The following KAZN variants were observed in gnomAD, a reference collection of about 807,000 sequenced individuals.
KAZN encodes the protein kazrin.
KAZN carries 40 observed loss-of-function variants against 87.4 expected under a neutral mutation model. The observed-to-expected ratio is 0.46, with a 90% confidence interval of 0.36 to 0.60. The LOEUF (loss-of-function observed/expected upper bound fraction) is 0.60, where lower values mean the gene tolerates loss of function less well. Ranked by LOEUF, KAZN falls within the 20% of genes least tolerant of loss-of-function variation. KAZN has a pLI of 0.00. For synonymous variants in KAZN, 466 were observed against 458.3 expected (o/e 1.02, Z -0.22); for missense variants, 898 against 1,073.9 (o/e 0.84, Z 2.29).
At chr1:14,977,553 G>C (rs1665774383) in intron 2 of KAZN, among the ~76,000 whole-genome samples, 1 of 152,276 alleles carries the variant, frequency 6.6e-6, no homozygotes, top group Admixed American at 6.5e-5. Context: ...GTCGCGCTCT[G>C]CTGCCTCTGA....
intron 2 of KAZN, among the ~76,000 whole-genome samples, chr1:14,495,274 A>C (rs1247489640): frequency 6.6e-6 from 1 of 152,198 alleles, no homozygotes; most frequent in Non-Finnish European, 1.5e-5. Flanking sequence ...CTGGTGATTA[A>C]AAGAAAACCA....
At chr1:14,239,645 A>C (rs1055841410) in intron 2 of KAZN, among the ~76,000 whole-genome samples, 1 of 151,588 alleles carries the variant, frequency 6.6e-6, no homozygotes, top group Non-Finnish European at 1.5e-5. Flanking sequence ...TTTTTAGTAG[A>C]GACAGGGTTT....
chr1:14,595,323 A>T (rs543723769), upstream of KAZN, among the ~76,000 whole-genome samples: 1 of 152,234 alleles, frequency 6.6e-6, no homozygotes, highest in East Asian at 1.9e-4. Flanking sequence ...AGTTAAACAT[A>T]GCAACCGTTT....
rs1162300068 is a variant in KAZN, at chr1:14,856,849, T to C, written c.227-103835T>C. On this transcript the variant is annotated intron_variant, in intron 1 of 14. Coordinates refer to ENST00000376030, the MANE Select transcript of KAZN (RefSeq NM_201628.3). The surrounding 1 kb of genome is among the most constrained non-coding windows in gnomAD (Gnocchi z 5.2). ...CTCAGACTTTTTTCCTCTGTTGTCATCCTTTGATGCTTCTCCTTGGGAGGT... is the reference window on the plus strand; with the variant it reads ...CTCAGACTTTTTTCCTCTGTTGTCACCCTTTGATGCTTCTCCTTGGGAGGT... Among the ~76,000 whole-genome samples the C allele has an allele frequency of 6.6e-6, 1 of 152,220 alleles. No individual in the cohort carries two copies. Among genetic ancestry groups the C allele is most frequent in the Non-Finnish European group, 1.5e-5 (1 of 68,038 alleles).
intron 1 of KAZN, among the ~76,000 whole-genome samples, chr1:14,053,228 G>A (rs985493038): frequency 4.6e-5 from 7 of 152,244 alleles, no homozygotes; most frequent in African/African-American, 9.6e-5. Context: ...GCAGGCCCAC[G>A]TGGCATGAAA....
intron 1 of KAZN, among the ~76,000 whole-genome samples, chr1:14,690,699 T>C (rs1327541484): frequency 6.6e-6 from 1 of 152,194 alleles, no homozygotes; most frequent in Non-Finnish European, 1.5e-5. Context: ...AGACCACTAT[T>C]GTATGCCAGC....
chr1:14,415,879 C>T (rs886412503), intron 2 of KAZN, among the ~76,000 whole-genome samples: 19 of 152,082 alleles, frequency 1.2e-4, no homozygotes, highest in Admixed American at 7.2e-4. Flanking sequence ...AAGCAGAAGG[C>T]GTGCTTCCCA....
chr1:14,044,302 C>T (rs2003696), intron 1 of KAZN, among the ~76,000 whole-genome samples: 93,665 of 151,870 alleles, frequency 0.62, 30,257 homozygotes, highest in African/African-American at 0.8. Context: ...AAGAAAAAGT[C>T]GAACCCTTTC....
intron 2 of KAZN, among the ~76,000 whole-genome samples, chr1:14,590,424 G>A (rs888857050): frequency 9.9e-5 from 15 of 152,144 alleles, no homozygotes; most frequent in African/African-American, 3.6e-4. Context: ...GTGCAGGGAT[G>A]ACTTCACGTA....
At chr1:14,924,366 T>TGCGG in intron 1 of KAZN, 7 of 988,604 alleles carry the variant, frequency 7.1e-6, no homozygotes, top group Non-Finnish European at 8.4e-6. Flanking sequence ...GCACCCGGCA[T>TGCGG]GCGGGCGGCC....
chr1:14,982,252 T>C (rs1666322769), intron 2 of KAZN, among the ~76,000 whole-genome samples: 1 of 152,094 alleles, frequency 6.6e-6, no homozygotes. Flanking sequence ...CTGACCACTG[T>C]ACCTTAAAGA....
At chr1:15,067,269 C>T in intron 8 of KAZN, 1 of 985,578 alleles carries the variant, frequency 1.0e-6, no homozygotes, top group Non-Finnish European at 1.2e-6. Flanking sequence ...CACTTAGAAT[C>T]TCCCAGGATC....
chr1:14,262,570 G>T (rs1235698983), intron 2 of KAZN, among the ~76,000 whole-genome samples: 2 of 152,192 alleles, frequency 1.3e-5, no homozygotes, highest in Non-Finnish European at 2.9e-5. Context: ...GAATTCAGTA[G>T]CTTAAGATGG....
intron 1 of KAZN, among the ~76,000 whole-genome samples, chr1:14,165,382 G>A (rs899798187): frequency 5.3e-5 from 8 of 152,038 alleles, no homozygotes; most frequent in African/African-American, 1.7e-4. Context: ...GAATGACAAG[G>A]ATCTATTTAA....
At chr1:14,151,327 A>G (rs968608583) in intron 1 of KAZN, among the ~76,000 whole-genome samples, 6 of 152,130 alleles carry the variant, frequency 3.9e-5, no homozygotes, top group Non-Finnish European at 7.4e-5. Context: ...GACATAATCT[A>G]TAAAATTTAG....
intron 1 of KAZN, among the ~76,000 whole-genome samples, chr1:14,690,031 G>C (rs540977709): frequency 1.5e-4 from 23 of 152,212 alleles, no homozygotes; most frequent in African/African-American, 5.5e-4. Context: ...CTGCTCTAAG[G>C]CTGCAGAAAT....
At chr1:14,218,980 T>C (rs1010283740) in intron 2 of KAZN, among the ~76,000 whole-genome samples, 8 of 152,098 alleles carry the variant, frequency 5.3e-5, no homozygotes, top group Non-Finnish European at 1.0e-4. Context: ...ACTATTAATA[T>C]CTCTATAGTT....
At chr1:14,859,804 TC>T (rs1005831733) in intron 1 of KAZN, among the ~76,000 whole-genome samples, 2 of 152,168 alleles carry the variant, frequency 1.3e-5, no homozygotes, top group Non-Finnish European at 2.9e-5. Context: ...CTCCTCCTAT[TC>T]CCACTATTTC....
chr1:15,000,126 T>A lies in KAZN; in HGVS notation c.419-34623T>A, dbSNP rs573841659. On this transcript the variant is annotated intron_variant, in intron 2 of 14. Coordinates refer to ENST00000376030, the MANE Select transcript of KAZN (RefSeq NM_201628.3). ...GTACTTATAGAGGAAGGTTGGCAGATCAGAGAGAGGGAAGGAGATGTGAGA... is the reference window on the plus strand; with the variant it reads ...GTACTTATAGAGGAAGGTTGGCAGAACAGAGAGAGGGAAGGAGATGTGAGA... Among the ~76,000 whole-genome samples, 23 of 152,092 alleles carry A rather than the reference T, an allele frequency of 1.5e-4. No individual in the cohort carries two copies. In the South Asian group the frequency reaches 4.8e-3, roughly 32 times the overall value.
Sources: gnomAD v4.1 joint callset for allele counts (sites outside exome capture counted in the v4.1 genomes callset) on GRCh38, gnomAD v4.1.1 for gene constraint, Gnocchi (gnomAD v3.1) non-coding constraint, MANE v1.5 for transcripts, NCBI Gene and HGNC (gene_info 2026-07-23, HGNC 2026-07-21) for gene names.